PDE1C: variants seen among roughly 807,000 people sequenced by gnomAD.
The protein encoded by PDE1C is phosphodiesterase 1C.
A neutral mutation model predicts 93.1 loss-of-function variants in PDE1C; 62 were observed. That is an observed-to-expected ratio of 0.67 (90% CI 0.54 to 0.82). The LOEUF (loss-of-function observed/expected upper bound fraction) is 0.82. Ranked by LOEUF, PDE1C falls within the 40% of genes least tolerant of loss-of-function variation. PDE1C has a pLI of 0.00. For missense variants in PDE1C, 742 were observed against 884.6 expected (o/e 0.84, Z 2.04); for synonymous variants, 325 against 310.1 (o/e 1.05, Z -0.50).
chr7:31,994,264 T>A (rs943315949), intron 2 of PDE1C, among the ~76,000 whole-genome samples: 5 of 152,208 alleles, frequency 3.3e-5, no homozygotes, highest in African/African-American at 1.2e-4. Context: ...CACCTGGATG[T>A]GTAATTCATA....
At chr7:32,004,864 G>T (rs900004563) in intron 2 of PDE1C, among the ~76,000 whole-genome samples, 14 of 152,178 alleles carry the variant, frequency 9.2e-5, no homozygotes, top group African/African-American at 3.4e-4. Context: ...ATTGAGAACA[G>T]AATACACTTT....
chr7:31,963,955 G>A (rs1444133396), intron 2 of PDE1C, among the ~76,000 whole-genome samples: 2 of 152,176 alleles, frequency 1.3e-5, no homozygotes, highest in Admixed American at 1.3e-4. Context: ...TGTGTTAGGT[G>A]TTAAGAAAAA....
rs758777524 is a variant in PDE1C, at chr7:31,753,513, G to T, written c.2001C>A (p.Tyr667Ter). 1 of 1,611,668 alleles carries T rather than the reference G, an allele frequency of 6.2e-7. No individual in the cohort carries two copies. The highest frequency in any genetic ancestry group is 1.1e-5 in the South Asian group (1 of 90,836). The stretch of plus-strand genomic sequence containing the variant: ...CTGAAGGTGCATAGGAGCTAGATGC[G>T]TAAGCAGGGCGTTTAAAATGACGCA... ...PPLRHFKRPA[Y>*]ASSSYAPSVS... Residue 667 changes from tyrosine to a stop codon, truncating the protein, a stop_gained, in exon 18 of 18, where the codon TAC (tyrosine) becomes TAA (stop). Transcript: ENST00000396191. LOFTEE classifies it high-confidence loss of function.
chr7:32,311,641 C>G (rs550224476), intron 1 of PDE1C, among the ~76,000 whole-genome samples: 110 of 152,098 alleles, frequency 7.2e-4, no homozygotes, highest in Middle Eastern at 6.8e-3. Flanking sequence ...TAAACAGAAC[C>G]AAAGATAAAA....
Position 32,389,018 on chromosome 7 carries a change from T to A in PDE1C, c.310+38804A>T, listed in dbSNP as rs189798528. Among the ~76,000 whole-genome samples the A allele has an allele frequency of 3.9e-5, 6 of 152,322 alleles. No individual in the cohort carries two copies. The East Asian group carries it at 1.2e-3, about 29-fold the overall frequency. On this transcript the variant is annotated intron_variant, in intron 1 of 1. Coordinates refer to the PDE1C transcript ENST00000672256. Reference sequence around the variant, plus strand: ...GAAAATCACAGCTAAATGCATTGTATTCAAACTGCAAAATGTCAAATTATA... The same window carrying A: ...GAAAATCACAGCTAAATGCATTGTAATCAAACTGCAAAATGTCAAATTATA...
intron 1 of PDE1C, among the ~76,000 whole-genome samples, chr7:32,296,871 G>T (rs973663853): frequency 6.6e-6 from 1 of 152,036 alleles, no homozygotes; most frequent in African/African-American, 2.4e-5. Flanking sequence ...CATTTGACAG[G>T]GAAAGATACA....
upstream of PDE1C, among the ~76,000 whole-genome samples, chr7:32,302,843 A>G (rs1812911763): frequency 6.6e-6 from 1 of 152,218 alleles, no homozygotes; most frequent in African/African-American, 2.4e-5. Context: ...GCTACCTACT[A>G]TTTGGATTCT....
chr7:32,167,833 GGTAAT>G (rs1802400842), intron 3 of PDE1C, among the ~76,000 whole-genome samples: 1 of 152,110 alleles, frequency 6.6e-6, no homozygotes, highest in Non-Finnish European at 1.5e-5. Context: ...ACCACTCAAT[GGTAAT>G]GACCCTACAG....
the PDE1C span, among the ~76,000 whole-genome samples, chr7:31,693,923 A>G: frequency 6.6e-6 from 1 of 152,228 alleles, no homozygotes; most frequent in Admixed American, 6.5e-5. Context: ...ATCTAGCCAA[A>G]CTATATCCAG....
chr7:31,623,369 A>G, the PDE1C span, among the ~76,000 whole-genome samples: 1 of 152,048 alleles, frequency 6.6e-6, no homozygotes, highest in Non-Finnish European at 1.5e-5. Flanking sequence ...AACACTGGCA[A>G]ACCGAATCCA....
chr7:32,209,536 G>A (rs1294444617), exon 2 of PDE1C: 1 of 1,556,804 alleles, frequency 6.4e-7, no homozygotes, highest in Middle Eastern at 1.7e-4. Context: ...AGCTTCATTT[G>A]CAACTAGAAA....
the PDE1C span, among the ~76,000 whole-genome samples, chr7:31,638,409 A>ATCTC: frequency 4.6e-5 from 7 of 152,318 alleles, no homozygotes; most frequent in African/African-American, 9.6e-5. Context: ...TTAAAGGAAA[A>ATCTC]TCAGGCAGCA....
intron 1 of PDE1C, among the ~76,000 whole-genome samples, chr7:32,318,236 C>G (rs997544016): frequency 2.6e-5 from 4 of 152,176 alleles, no homozygotes; most frequent in Non-Finnish European, 5.9e-5. Context: ...GGCCCCACAC[C>G]TAGGGGCAAC....
chr7:31,967,640 T>G (rs536546809), intron 2 of PDE1C, among the ~76,000 whole-genome samples: 10 of 152,298 alleles, frequency 6.6e-5, no homozygotes, highest in East Asian at 3.9e-4. Flanking sequence ...TACCAAAGCC[T>G]GGCAGAGACA....
chr7:32,225,034 A>G (rs1166684982), intron 1 of PDE1C, among the ~76,000 whole-genome samples: 1 of 152,104 alleles, frequency 6.6e-6, no homozygotes, highest in East Asian at 1.9e-4. Context: ...AAAAAAAAAA[A>G]AAGACTATTA....
At chr7:32,166,543 G>C (rs1185495497) in intron 3 of PDE1C, among the ~76,000 whole-genome samples, 2 of 152,312 alleles carry the variant, frequency 1.3e-5, no homozygotes, top group South Asian at 4.1e-4. Context: ...GGATAAGAGG[G>C]AAGACTGTCA....
intron 2 of PDE1C, among the ~76,000 whole-genome samples, chr7:32,183,313 G>A (rs1215674575): frequency 2.0e-5 from 3 of 151,976 alleles, no homozygotes; most frequent in Non-Finnish European, 2.9e-5. Flanking sequence ...TAAACTTCAG[G>A]TGGAACCAAA....
the PDE1C span, among the ~76,000 whole-genome samples, chr7:31,716,708 T>C: frequency 6.6e-6 from 1 of 152,146 alleles, no homozygotes; most frequent in Non-Finnish European, 1.5e-5. Flanking sequence ...GTTAAACCCA[T>C]ATGGCATTTT....
At chr7:32,221,356 T>C (rs1388456022) in intron 1 of PDE1C, among the ~76,000 whole-genome samples, 1 of 152,150 alleles carries the variant, frequency 6.6e-6, no homozygotes, top group East Asian at 1.9e-4. Context: ...TTGGGAGAAG[T>C]GGAAGGCACC....
Sources: allele counts gnomAD v4.1 joint callset (sites outside exome capture counted in the v4.1 genomes callset), GRCh38; gene constraint gnomAD v4.1.1; transcripts MANE v1.5; gene names NCBI Gene and HGNC (gene_info 2026-07-23, HGNC 2026-07-21).